The following ADCY8 variants were observed in gnomAD, a reference collection of about 807,000 sequenced individuals.
The protein encoded by ADCY8 is adenylate cyclase type 8.
ADCY8 carries 51 observed loss-of-function variants against 119.7 expected under a neutral mutation model. That is an observed-to-expected ratio of 0.43 (90% CI 0.34 to 0.54). ADCY8 has a LOEUF of 0.54. ADCY8 is among the 20% of genes least tolerant of loss of function. The pLI is 0.03. For synonymous variants in ADCY8, 665 were observed against 651.0 expected (o/e 1.02, Z -0.33); for missense variants, 1,383 against 1,598.8 (o/e 0.87, Z 2.30).
intron 9 of ADCY8, among the ~76,000 whole-genome samples, chr8:130,862,548 G>T (rs1298000375): frequency 6.6e-6 from 1 of 152,140 alleles, no homozygotes; most frequent in African/African-American, 2.4e-5. Flanking sequence ...AAGTAGTTGG[G>T]ACTACAGACG....
At chr8:130,904,666 G>A (rs766924739) in intron 6 of ADCY8, among the ~76,000 whole-genome samples, 13 of 152,150 alleles carry the variant, frequency 8.5e-5, no homozygotes, top group Non-Finnish European at 1.6e-4. Context: ...CAAAGCTGTG[G>A]ACATGTGCAG....
chr8:130,815,497 C>A lies in ADCY8; in HGVS notation c.2755-1270G>T, dbSNP rs138722946. Reference sequence around the variant, plus strand: ...TAAATCCTTTAATCCATGTAATAGCCCTAATAGGAAGGTATTATTGTCATT... The same window carrying A: ...TAAATCCTTTAATCCATGTAATAGCACTAATAGGAAGGTATTATTGTCATT... On this transcript the variant is annotated intron_variant, in intron 13 of 17. Coordinates refer to ENST00000286355, the MANE Select transcript of ADCY8 (RefSeq NM_001115.3). 5.3e-3 allele frequency among the ~76,000 whole-genome samples: 800 copies of A among 152,050 alleles called. 9 individuals are homozygous for A. The highest frequency in any genetic ancestry group is 5.6e-3 in the Non-Finnish European group (380 of 67,978).
chr8:130,781,550 C>G (rs780817077), intron 17 of ADCY8, among the ~76,000 whole-genome samples: 1 of 152,234 alleles, frequency 6.6e-6, no homozygotes, highest in Non-Finnish European at 1.5e-5. Context: ...TCAATAACCT[C>G]TCTGATATGG....
chr8:130,810,915 A>G (rs967334911), intron 14 of ADCY8, among the ~76,000 whole-genome samples: 23 of 151,750 alleles, frequency 1.5e-4, no homozygotes, highest in Non-Finnish European at 3.2e-4. Context: ...CACTGGTCCT[A>G]TGTGCCTCAC....
chr8:130,804,857 A>C (rs1815893403), intron 14 of ADCY8, among the ~76,000 whole-genome samples: 2 of 152,044 alleles, frequency 1.3e-5, no homozygotes, highest in Admixed American at 6.6e-5. Flanking sequence ...AGTGATTCTC[A>C]TGTCTCAACC....
At chr8:130,892,836 A>T (rs1819235279) in intron 7 of ADCY8, 1 of 152,130 alleles carries the variant, frequency 6.6e-6, no homozygotes, top group African/African-American at 2.4e-5. Context: ...CACAGAGGGA[A>T]TTACCAACAT....
chr8:130,813,088 C>T (rs1816221343), intron 14 of ADCY8, among the ~76,000 whole-genome samples: 1 of 151,946 alleles, frequency 6.6e-6, no homozygotes, highest in Non-Finnish European at 1.5e-5. Flanking sequence ...GCTGGGATTA[C>T]AGGCGCCTGC....
chr8:130,798,296 G>A (rs1815651118), intron 15 of ADCY8, among the ~76,000 whole-genome samples: 1 of 152,126 alleles, frequency 6.6e-6, no homozygotes, highest in African/African-American at 2.4e-5. Flanking sequence ...ACATTTACCT[G>A]GATAGAGATG....
At chr8:131,006,365 A>G (rs867364035) in intron 1 of ADCY8, among the ~76,000 whole-genome samples, 51 of 152,220 alleles carry the variant, frequency 3.4e-4, no homozygotes, top group African/African-American at 1.2e-3. Flanking sequence ...TCAGCAGGAG[A>G]GGCACTGAAG....
In ADCY8 at chr8:130,943,422, TG is replaced by T. The variant is rs1421621346; in HGVS notation, c.1281del (p.Thr428ArgfsTer62). 6.3e-7 allele frequency: 1 copy of T among 1,598,420 alleles called. No individual in the cohort carries two copies. The highest frequency in any genetic ancestry group is 1.8e-5 in the Admixed American group (1 of 56,048). Reference protein sequence around the residue: ...FADVKGFTNLSTTLSAQELVR... With the variant: ...FADVKGFTNLXTTLSAQELVR... ...ACCAGCTCCTGAGCAGACAAGGTCG[TG>T]GAGAGGTTGGTAAATCCTTTAACAT... On this transcript the variant is annotated frameshift_variant, in exon 4 of 18. Transcript: ENST00000286355. LOFTEE classifies it high-confidence loss of function.
At chr8:130,964,807 C>T (rs1821713574) in intron 2 of ADCY8, among the ~76,000 whole-genome samples, 1 of 152,160 alleles carries the variant, frequency 6.6e-6, no homozygotes, top group Non-Finnish European at 1.5e-5. Context: ...ATGAGCATTC[C>T]CTTTTCTGCA....
intron 15 of ADCY8, among the ~76,000 whole-genome samples, chr8:130,785,945 C>T (rs1586409697): frequency 6.6e-6 from 1 of 152,212 alleles, no homozygotes; most frequent in Non-Finnish European, 1.5e-5. Context: ...AGGACTTCTG[C>T]ACCTGTTGTT....
At chr8:131,036,531 A>G (rs1441170070) in intron 1 of ADCY8, among the ~76,000 whole-genome samples, 1 of 152,200 alleles carries the variant, frequency 6.6e-6, no homozygotes, top group Non-Finnish European at 1.5e-5. Flanking sequence ...ATAAAATGCT[A>G]TTTATGATAG....
In ADCY8 at chr8:130,968,271, G is replaced by C. The variant is rs1042344960; in HGVS notation, c.1111-16273C>G. Among the ~76,000 whole-genome samples, 11 of 151,744 alleles carry C rather than the reference G, an allele frequency of 7.2e-5. No individual in the cohort carries two copies. The East Asian group carries it at 2.1e-3, about 30-fold the overall frequency. ...TGCAAGCTCTGCCTTCTGGGTTCAC[G>C]CCATTCTCCTGACTCAGCCTCCTGA... is the stretch of plus-strand genomic sequence containing the variant. On this transcript the variant is annotated intron_variant, in intron 2 of 17. Coordinates refer to ENST00000286355, the MANE Select transcript of ADCY8 (RefSeq NM_001115.3).
intron 4 of ADCY8, among the ~76,000 whole-genome samples, chr8:130,942,796 T>C (rs1015567998): frequency 6.6e-6 from 1 of 152,364 alleles, no homozygotes; most frequent in African/African-American, 2.4e-5. Flanking sequence ...TGTGTTTTGA[T>C]AGCAAATGTC....
intron 12 of ADCY8, among the ~76,000 whole-genome samples, 173 bp from the exon 13 acceptor site, chr8:130,821,593 A>G (rs551988734): frequency 1.3e-5 from 2 of 152,306 alleles, no homozygotes; most frequent in East Asian, 1.9e-4. Flanking sequence ...TCAAAAATCA[A>G]TTGACCCCCA....
chr8:130,783,172 C>T (rs1815139105), intron 17 of ADCY8, among the ~76,000 whole-genome samples: 1 of 152,146 alleles, frequency 6.6e-6, no homozygotes, highest in African/African-American at 2.4e-5. Context: ...TACGTTGTTG[C>T]TTTGTGCGGT....
intron 1 of ADCY8, among the ~76,000 whole-genome samples, chr8:131,012,234 G>A (rs1386962824): frequency 6.6e-6 from 1 of 152,158 alleles, no homozygotes; most frequent in Non-Finnish European, 1.5e-5. Flanking sequence ...TCTGGAATGG[G>A]TTCTTCTATG....
chr8:130,866,791 G>A lies in ADCY8; in HGVS notation c.2210+1055C>T, dbSNP rs151014567. On this transcript the variant is annotated intron_variant, in intron 9 of 17. Coordinates refer to ENST00000286355, the MANE Select transcript of ADCY8 (RefSeq NM_001115.3). ...TGACCTGGGATAAATCCTCATCTAC[G>A]AATGGGAATTGGAATGCTGCCTCAC... Among the ~76,000 whole-genome samples the A allele has an allele frequency of 2.1e-4, 32 of 152,240 alleles. 1 individual carries two copies. Among genetic ancestry groups the A allele is most frequent in the African/African-American group, 7.0e-4 (29 of 41,540 alleles).
Sources: gnomAD v4.1 joint callset for allele counts (sites outside exome capture counted in the v4.1 genomes callset) on GRCh38, gnomAD v4.1.1 for gene constraint, MANE v1.5 for transcripts, NCBI Gene and HGNC (gene_info 2026-07-23, HGNC 2026-07-21) for gene names.